The following EIF3I variants were observed in gnomAD, a reference collection of about 807,000 sequenced individuals.
EIF3I encodes the protein eukaryotic translation initiation factor 3 subunit I.
Under a neutral mutation model 43.3 loss-of-function variants are expected in EIF3I, and 20 were observed. The ratio of observed to expected loss-of-function variants is 0.46; its 90% CI spans 0.32 to 0.67. EIF3I has a LOEUF of 0.67. Ranked by LOEUF, EIF3I falls within the 30% of genes least tolerant of loss-of-function variation. The pLI, the probability that EIF3I is intolerant of heterozygous loss-of-function variation, is 0.03. For missense variants in EIF3I, 279 were observed against 421.4 expected (o/e 0.66, Z 2.96); for synonymous variants, 167 against 151.7 (o/e 1.10, Z -0.74).
In EIF3I at chr1:32,224,482, T is replaced by C; in HGVS notation, c.250+7T>C. On this transcript the variant is annotated splice_region_variant and intron_variant, in intron 4 of 11. Transcript: ENST00000676679. Reference sequence around the variant, plus strand: ...CTCTGGGACTGTGAAACAGGTAAGCTGGGTTCATTCACCTTTTTAGCAAAT... The same window carrying C: ...CTCTGGGACTGTGAAACAGGTAAGCCGGGTTCATTCACCTTTTTAGCAAAT... 1 of 1,612,404 alleles carries C rather than the reference T, an allele frequency of 6.2e-7. No individual in the cohort carries two copies.
At chr1:32,228,146 T>C (rs542801446) in intron 6 of EIF3I, among the ~76,000 whole-genome samples, 1 of 152,300 alleles carries the variant, frequency 6.6e-6, no homozygotes, top group Admixed American at 6.5e-5. Context: ...GGTGTGGTCT[T>C]GGGGACAGAG....
chr1:32,223,977 A>G, intron 2 of EIF3I, 57 bp from the exon 3 acceptor site: 4 of 1,552,746 alleles, frequency 2.6e-6, no homozygotes, highest in Non-Finnish European at 3.6e-6. Context: ...CTGGGGCAAA[A>G]TAGGAAGCCA....
intron 3 of EIF3I, 28 bp from the exon 4 acceptor site, chr1:32,224,382 T>C (rs377345911): frequency 1.2e-5 from 20 of 1,605,590 alleles, no homozygotes; most frequent in Middle Eastern, 1.7e-4. Flanking sequence ...TCGGGTGAAC[T>C]TCGTCATATT....
downstream of EIF3I, chr1:32,231,484 T>G: frequency 4.2e-6 from 1 of 238,420 alleles, no homozygotes; most frequent in Non-Finnish European, 8.0e-6. Flanking sequence ...AGAGCAAAAC[T>G]CCGTCTCAAA....
exon 7 of EIF3I, chr1:32,228,602 C>T (rs1639185690): frequency 1.2e-6 from 2 of 1,614,194 alleles, no homozygotes; most frequent in Non-Finnish European, 8.5e-7. Flanking sequence ...AAGGACAACA[C>T]AGCCAAGGTG....
chr1:32,225,188 C>A lies in EIF3I; in HGVS notation c.250+713C>A, dbSNP rs547972557. Among the ~76,000 whole-genome samples the A allele has an allele frequency of 1.8e-3, 266 of 151,892 alleles. 1 individual carries two copies. The highest frequency in any genetic ancestry group is 2.8e-3 in the Non-Finnish European group (192 of 67,934). On this transcript the variant is annotated intron_variant, in intron 4 of 11. Transcript: ENST00000676679. ...ACAGGGTTTCACCATGTTGGCCAGG[C>A]TGGTCTCGAACTCCTCAGCTCAAGT...
At chr1:32,223,951 A>G in intron 2 of EIF3I, 83 bp from the exon 3 acceptor site, 1 of 1,223,170 alleles carries the variant, frequency 8.2e-7, no homozygotes, top group Non-Finnish European at 1.2e-6. Context: ...GCCTTGCTAC[A>G]GGCTGCTGAG....
At chr1:32,228,194 AG>A in intron 6 of EIF3I, among the ~76,000 whole-genome samples, 1 of 152,314 alleles carries the variant, frequency 6.6e-6, no homozygotes, top group African/African-American at 2.4e-5. Context: ...CAGTGTGAGG[AG>A]GTAAAGAGTT....
intron 7 of EIF3I, 24 bp from the exon 8 acceptor site, chr1:32,228,703 T>C: frequency 6.2e-7 from 1 of 1,600,362 alleles, no homozygotes; most frequent in Non-Finnish European, 8.6e-7. Flanking sequence ...CTTTACAGAT[T>C]TCCCCCCTGC....
chr1:32,228,638 T>A, intron 7 of EIF3I, 29 bp downstream of exon 7: 1 of 1,609,126 alleles, frequency 6.2e-7, no homozygotes, highest in South Asian at 1.1e-5. Flanking sequence ...CTGGCAGGGC[T>A]GCTCCCTCCC....
intron 1 of EIF3I, 32 bp downstream of exon 1, chr1:32,222,476 G>A (rs1639028313): frequency 6.2e-7 from 1 of 1,610,514 alleles, no homozygotes. Context: ...ATTGCAGTGG[G>A]GGTCCTGGGC....
downstream of EIF3I, chr1:32,231,491 C>CA (rs372584031): frequency 0.021 from 3,845 of 182,558 alleles, no homozygotes; most frequent in South Asian, 0.049. Context: ...AACTCCGTCT[C>CA]AAAAAAAAAA....
chr1:32,228,803 C>G (rs758103891), exon 8 of EIF3I: 17 of 1,613,670 alleles, frequency 1.1e-5, no homozygotes, highest in African/African-American at 4.0e-5. Context: ...GCCCTCTCCC[C>G]CAACTATGAC....
intron 9 of EIF3I, among the ~76,000 whole-genome samples, chr1:32,229,513 G>A (rs941549855): frequency 6.7e-6 from 1 of 149,112 alleles, no homozygotes; most frequent in Admixed American, 6.7e-5. Flanking sequence ...CTCCCAAAGT[G>A]CTGGGATTAC....
chr1:32,232,574 T>C (rs1639253884), downstream of EIF3I, among the ~76,000 whole-genome samples: 1 of 152,180 alleles, frequency 6.6e-6, no homozygotes. Flanking sequence ...CTGTGAATAT[T>C]GATAGGTCTG....
At chr1:32,229,287 G>A in intron 9 of EIF3I, 79 bp downstream of exon 9, 2 of 1,462,296 alleles carry the variant, frequency 1.4e-6, no homozygotes, top group East Asian at 2.3e-5. Flanking sequence ...TTGAGATGGA[G>A]TCTCGCTCTG....
chr1:32,227,463 A>G (rs1639165951), intron 6 of EIF3I, among the ~76,000 whole-genome samples: 1 of 151,972 alleles, frequency 6.6e-6, no homozygotes, highest in South Asian at 2.1e-4. Context: ...ACTTGTCACA[A>G]AGTACTCAGG....
chr1:32,232,297 TTTTCTC>T (rs1639249046), downstream of EIF3I: 1 of 152,130 alleles, frequency 6.6e-6, no homozygotes, highest in African/African-American at 2.4e-5. Context: ...TAACCTTTAC[TTTTCTC>T]CTTTTTCTTG....
chr1:32,226,561 A>G (rs748685672), intron 6 of EIF3I, 31 bp downstream of exon 6: 9 of 1,425,852 alleles, frequency 6.3e-6, no homozygotes, highest in Non-Finnish European at 3.7e-6. Context: ...TGAGCCTACC[A>G]GAATAATTTT....
Sources: gnomAD v4.1 joint callset for allele counts (sites outside exome capture counted in the v4.1 genomes callset) on GRCh38, gnomAD v4.1.1 for gene constraint, MANE v1.5 for transcripts, NCBI Gene and HGNC (gene_info 2026-07-23, HGNC 2026-07-21) for gene names.